The following SBF2 variants were observed in gnomAD, a reference collection of about 807,000 sequenced individuals.
The protein encoded by SBF2 is myotubularin-related protein 13.
SBF2 carries 112 observed loss-of-function variants against 225.2 expected under a neutral mutation model. The observed-to-expected ratio is 0.50, with a 90% CI of 0.43 to 0.58. The LOEUF is 0.58. Ranked by LOEUF, SBF2 falls within the 20% of genes least tolerant of loss-of-function variation. The pLI, the probability that SBF2 is intolerant of heterozygous loss-of-function variation, is 0.00. For missense variants in SBF2, 1,996 were observed against 2,206.2 expected (o/e 0.90, Z 1.91); for synonymous variants, 763 against 773.3 (o/e 0.99, Z 0.22).
At chr11:9,789,411 C>T (rs1852594055) in intron 34 of SBF2, 69 bp from the exon 35 acceptor site, 2 of 1,103,604 alleles carry the variant, frequency 1.8e-6, no homozygotes, top group South Asian at 2.5e-5. Flanking sequence ...GTCAGGCAAA[C>T]CCCTAACATT....
At chr11:10,218,871 G>A (rs1958235387) in intron 1 of SBF2, among the ~76,000 whole-genome samples, 1 of 152,198 alleles carries the variant, frequency 6.6e-6, no homozygotes, top group African/African-American at 2.4e-5. Context: ...TGCCAGAGGT[G>A]GGCTCCCACA....
chr11:9,780,881 T>G, intron 39 of SBF2: 1 of 334,578 alleles, frequency 3.0e-6, no homozygotes, highest in Non-Finnish European at 5.8e-6. Flanking sequence ...TCCAGGGGGA[T>G]GCCTGAGATT....
At chr11:10,104,983 T>C (rs549699417) in intron 2 of SBF2, among the ~76,000 whole-genome samples, 4 of 152,250 alleles carry the variant, frequency 2.6e-5, no homozygotes, top group African/African-American at 9.6e-5. Flanking sequence ...ATTGCTAGAT[T>C]CAAATTGCTA....
At chr11:9,796,505 G>A (rs893983828) in intron 32 of SBF2, among the ~76,000 whole-genome samples, 2 of 152,200 alleles carry the variant, frequency 1.3e-5, no homozygotes, top group African/African-American at 4.8e-5. Flanking sequence ...AAGAGAAGGT[G>A]GCTGCTTAAG....
At chr11:10,050,417 T>C (rs1183024216) in intron 2 of SBF2, among the ~76,000 whole-genome samples, 2 of 152,294 alleles carry the variant, frequency 1.3e-5, no homozygotes, top group South Asian at 2.1e-4. Flanking sequence ...ACTATGTATG[T>C]ATGTATATGG....
At chr11:10,023,565 T>TC (rs1948938582) in intron 6 of SBF2, among the ~76,000 whole-genome samples, 2 of 152,184 alleles carry the variant, frequency 1.3e-5, no homozygotes, top group Non-Finnish European at 2.9e-5. Flanking sequence ...TAATCACTAA[T>TC]CTGTTTTGCC....
chr11:10,256,735 C>T (rs1357664941), intron 1 of SBF2, among the ~76,000 whole-genome samples: 1 of 152,190 alleles, frequency 6.6e-6, no homozygotes, highest in Admixed American at 6.5e-5. Context: ...CCTTTCACAG[C>T]AGATCCAAAA....
intron 6 of SBF2, among the ~76,000 whole-genome samples, chr11:10,006,912 C>T (rs774746310): frequency 2.0e-5 from 3 of 152,124 alleles, no homozygotes; most frequent in Non-Finnish European, 4.4e-5. Flanking sequence ...CATTTTGTTG[C>T]AAGAATGCTC....
At chr11:10,012,071 G>T (rs1340206467) in intron 6 of SBF2, among the ~76,000 whole-genome samples, 1 of 151,952 alleles carries the variant, frequency 6.6e-6, no homozygotes, top group Non-Finnish European at 1.5e-5. Context: ...ATTTCTATTG[G>T]TCTTTCACCA....
intron 3 of SBF2, among the ~76,000 whole-genome samples, chr11:10,039,128 T>G (rs1002249627): frequency 1.3e-5 from 2 of 151,944 alleles, no homozygotes; most frequent in Non-Finnish European, 2.9e-5. Context: ...ACATTCTGGA[T>G]GGTGTATGTC....
Position 9,789,160 on chromosome 11 carries a change from G to C in SBF2, c.4881C>G (p.Cys1627Trp). 1 of 1,614,138 alleles carries C rather than the reference G, an allele frequency of 6.2e-7. No individual in the cohort carries two copies. Among genetic ancestry groups the C allele is most frequent in the South Asian group, 1.1e-5 (1 of 91,074 alleles). ...PRSQRRTVWPCYDDVSCTQPD... is the reference protein window; with the variant it reads ...PRSQRRTVWPWYDDVSCTQPD... ...GCTGAGTACAGCTGACATCATCATA[G>C]CATGGCCACACTGTTCTCCTCTGGC... Residue 1627 changes from cysteine (C) to tryptophan (W), a missense_variant, in exon 35 of 40, where the codon TGC (cysteine) becomes TGG (tryptophan). Cys to Trp is a radical substitution (Grantham distance 215). Coordinates refer to ENST00000256190, the MANE Select transcript of SBF2 (RefSeq NM_030962.4).
intron 2 of SBF2, among the ~76,000 whole-genome samples, chr11:10,156,729 A>G (rs1359561365): frequency 6.6e-6 from 1 of 152,226 alleles, no homozygotes; most frequent in African/African-American, 2.4e-5. Context: ...AAGGAGCGCT[A>G]CAAGAAGAAC....
chr11:10,242,651 T>C (rs918251629), intron 1 of SBF2, among the ~76,000 whole-genome samples: 2 of 151,978 alleles, frequency 1.3e-5, no homozygotes, highest in African/African-American at 4.8e-5. Flanking sequence ...TGAAAAAGGG[T>C]ATTTCATACA....
At chr11:10,024,221 T>C (rs764289856) in intron 6 of SBF2, among the ~76,000 whole-genome samples, 1 of 152,218 alleles carries the variant, frequency 6.6e-6, no homozygotes, top group Non-Finnish European at 1.5e-5. Context: ...TCCATTTCCA[T>C]AATCAATTAT....
At chr11:9,784,898 A>G in intron 37 of SBF2, 1 of 577,520 alleles carries the variant, frequency 1.7e-6, no homozygotes, top group Non-Finnish European at 3.1e-6. Flanking sequence ...AAGAGCCATC[A>G]GGACTCAACT....
rs977293465 is a variant in SBF2, at chr11:10,152,480, C to T, written c.141+41422G>A. On this transcript the variant is annotated intron_variant, in intron 2 of 39. Transcript: ENST00000256190. The stretch of plus-strand genomic sequence containing the variant: ...AGGAGAATCGCTTGAACCTGGGGGG[C>T]GGAGGTTGCAGTGAGCTGAGATTGT... Among the ~76,000 whole-genome samples the T allele has an allele frequency of 3.3e-5, 5 of 151,352 alleles. No individual in the cohort carries two copies. In the East Asian group the frequency reaches 9.7e-4, roughly 29 times the overall value.
In SBF2 at chr11:9,974,960, C is replaced by CAAAAAAAAAAAAAAAAAAAA. The variant is rs1166081188; in HGVS notation, c.1396-6435_1396-6416dup. ...GGGCAACAACAGCGAAACTTTGACT[C>CAAAAAAAAAAAAAAAAAAAA]AAAAAAAAAAAAAAAAAAAAAAAAA... is the stretch of plus-strand genomic sequence containing the variant. On this transcript the variant is annotated intron_variant, in intron 13 of 39. Transcript: ENST00000256190. Among the ~76,000 whole-genome samples, 163 of 23,262 alleles carry CAAAAAAAAAAAAAAAAAAAA rather than the reference C, an allele frequency of 7.0e-3. 48 individuals are homozygous for CAAAAAAAAAAAAAAAAAAAA. Among genetic ancestry groups the CAAAAAAAAAAAAAAAAAAAA allele is most frequent in the Non-Finnish European group, 0.012 (131 of 11,160 alleles). 15.3% of individuals were successfully genotyped at this position (23,262 alleles called of 152,430 possible).
intron 2 of SBF2, among the ~76,000 whole-genome samples, chr11:10,099,344 G>T (rs1418915763): frequency 6.6e-6 from 1 of 152,022 alleles, no homozygotes; most frequent in Non-Finnish European, 1.5e-5. Flanking sequence ...TGTGAACCAA[G>T]AATACTATAA....
intron 1 of SBF2, among the ~76,000 whole-genome samples, chr11:10,285,339 G>A (rs943618831): frequency 6.6e-6 from 1 of 151,672 alleles, no homozygotes; most frequent in Non-Finnish European, 1.5e-5. Flanking sequence ...GCAAGAGAAG[G>A]AAGAGAGGGG....
Sources: gnomAD v4.1 joint callset for allele counts (sites outside exome capture counted in the v4.1 genomes callset) on GRCh38, gnomAD v4.1.1 for gene constraint, MANE v1.5 for transcripts, NCBI Gene and HGNC (gene_info 2026-07-23, HGNC 2026-07-21) for gene names.